The following RFX6 variants were observed in gnomAD, a reference collection of about 807,000 sequenced individuals.
RFX6 encodes the protein regulatory factor X6.
In RFX6, 50 loss-of-function variants were observed where a neutral mutation model predicts 110.8. The observed-to-expected ratio is 0.45, with a 90% CI of 0.36 to 0.57. RFX6 has a LOEUF of 0.57. Among genes scored for constraint, RFX6 ranks in the 20% least tolerant of loss-of-function variants. RFX6 has a pLI of 0.00. For synonymous variants in RFX6, 383 were observed against 411.2 expected (o/e 0.93, Z 0.83); for missense variants, 990 against 1,127.0 (o/e 0.88, Z 1.74).
intron 4 of RFX6, among the ~76,000 whole-genome samples, chr6:116,888,446 A>G (rs1774747906): frequency 6.6e-6 from 1 of 152,204 alleles, no homozygotes; most frequent in Non-Finnish European, 1.5e-5. Flanking sequence ...AAGATTGAGG[A>G]AAGTTGCTAA....
chr6:116,914,098 C>T (rs986868739), intron 7 of RFX6, among the ~76,000 whole-genome samples: 4 of 152,144 alleles, frequency 2.6e-5, no homozygotes, highest in Admixed American at 6.5e-5. Context: ...CTCCTCTTTC[C>T]GACCTCTGGT....
chr6:116,891,149 G>A (rs1382983476), intron 4 of RFX6, among the ~76,000 whole-genome samples: 3 of 152,166 alleles, frequency 2.0e-5, no homozygotes, highest in Non-Finnish European at 2.9e-5. Context: ...AGACTATGGA[G>A]GAATTTGGAA....
At chr6:116,911,172 T>G (rs1342288833) in intron 7 of RFX6, 130 bp downstream of exon 7, 1 of 678,012 alleles carries the variant, frequency 1.5e-6, no homozygotes, top group Non-Finnish European at 2.6e-6. Context: ...GACTGATTTA[T>G]AGGAGAGGCA....
rs75888137 is a variant in RFX6 at position 116,914,757 on chromosome 6, C to A, written c.781-1251C>A. Among the ~76,000 whole-genome samples, 493 of 152,292 alleles carry A rather than the reference C, an allele frequency of 3.2e-3. 6 individuals are homozygous for A. In the East Asian group the frequency reaches 0.043, roughly 13 times the overall value. Reference sequence around the variant, plus strand: ...TAGGATAGGACACCTCCATCACCACCACCACTCTAGATGCTATTGGAATCA... The same window carrying A: ...TAGGATAGGACACCTCCATCACCACAACCACTCTAGATGCTATTGGAATCA... On this transcript the variant is annotated intron_variant, in intron 7 of 18. Transcript: ENST00000332958.
chr6:116,918,783 A>G (rs1378794491), intron 10 of RFX6, among the ~76,000 whole-genome samples: 2 of 152,096 alleles, frequency 1.3e-5, no homozygotes, highest in Non-Finnish European at 2.9e-5. Context: ...TTTCATCTAT[A>G]TGATAGTTGG....
intron 11 of RFX6, 138 bp downstream of exon 11, chr6:116,919,434 T>A: frequency 1.3e-6 from 1 of 768,548 alleles, no homozygotes; most frequent in Non-Finnish European, 2.3e-6. Flanking sequence ...GACCCAGAAG[T>A]GAATGCTATG....
intron 6 of RFX6, among the ~76,000 whole-genome samples, chr6:116,898,361 A>C (rs339347): frequency 0.44 from 66,756 of 151,682 alleles, 15,582 homozygotes; most frequent in African/African-American, 0.6. Flanking sequence ...ACAGGGTCTC[A>C]CTCTGTCACC....
intron 6 of RFX6, among the ~76,000 whole-genome samples, chr6:116,909,266 A>G (rs562130786): frequency 4.0e-4 from 61 of 152,242 alleles, no homozygotes; most frequent in African/African-American, 1.4e-3. Flanking sequence ...ATTGAGATGA[A>G]TAAACATGAC....
At chr6:116,916,697 T>C (rs577264323) in intron 9 of RFX6, among the ~76,000 whole-genome samples, 1 of 152,226 alleles carries the variant, frequency 6.6e-6, no homozygotes, top group Non-Finnish European at 1.5e-5. Flanking sequence ...CTTATGAGAT[T>C]AATAACTTGA....
intron 4 of RFX6, among the ~76,000 whole-genome samples, chr6:116,892,095 T>C (rs1303140895): frequency 6.6e-6 from 1 of 152,214 alleles, no homozygotes; most frequent in Non-Finnish European, 1.5e-5. Context: ...CACCATATAT[T>C]ATTGTTTCCC....
chr6:116,878,002 G>A (rs1238111542), intron 2 of RFX6, 50 bp downstream of exon 2: 1 of 1,557,030 alleles, frequency 6.4e-7, no homozygotes. Context: ...CGTTTTAACA[G>A]CCAGCGTCTT....
intron 6 of RFX6, 52 bp downstream of exon 6, chr6:116,895,259 G>A: frequency 2.0e-6 from 2 of 978,122 alleles, no homozygotes; most frequent in African/African-American, 1.6e-5. Context: ...TGTCTTACAA[G>A]CTGAGCAATA....
intron 6 of RFX6, among the ~76,000 whole-genome samples, chr6:116,907,109 G>A (rs1276063857): frequency 6.8e-6 from 1 of 146,426 alleles, no homozygotes; most frequent in Non-Finnish European, 1.5e-5. Context: ...TACTTTTTCT[G>A]TACCTAATGA....
At chr6:116,917,592 G>GC (rs1554197186) in intron 9 of RFX6, among the ~76,000 whole-genome samples, 2 of 151,684 alleles carry the variant, frequency 1.3e-5, no homozygotes, top group Non-Finnish European at 2.9e-5. Context: ...TAAGTGATCT[G>GC]TTTTTTTTAG....
intron 9 of RFX6, among the ~76,000 whole-genome samples, chr6:116,917,592 GT>G (rs540493256): frequency 6.6e-6 from 1 of 151,682 alleles, no homozygotes; most frequent in Non-Finnish European, 1.5e-5. Flanking sequence ...TAAGTGATCT[GT>G]TTTTTTTAGT....
In RFX6 at chr6:116,923,430, C is replaced by A. The variant is rs529399727; in HGVS notation, c.1555+206C>A. The stretch of plus-strand genomic sequence containing the variant: ...AAATCCTAACAATGATTGTCTCTGG[C>A]TATGGGCCAATCTGCTCATTGAAGA... On this transcript the variant is annotated intron_variant, in intron 14 of 18. Coordinates refer to ENST00000332958, the MANE Select transcript of RFX6 (RefSeq NM_173560.4). The A allele has an allele frequency of 1.9e-5, 11 of 567,514 alleles. No homozygotes were observed. In the South Asian group the frequency reaches 2.0e-4, roughly 10 times the overall value. 35.2% of individuals were successfully genotyped at this position (567,514 alleles called of 1,614,324 possible). A position where few individuals can be genotyped will look rare whatever the true frequency, so the allele number is the denominator to read the frequency against.
chr6:116,931,684 G>A lies in RFX6; in HGVS notation c.*178G>A, dbSNP rs1005243564. ...GTGAATGGAGATACTTGCAGAGCTT[G>A]TCATGCACACTAAGAGTTTAAAATG... On this transcript the variant is annotated 3_prime_UTR_variant, in exon 19 of 19. Coordinates refer to ENST00000332958, the MANE Select transcript of RFX6 (RefSeq NM_173560.4). 8 of 585,530 alleles carry A rather than the reference G, an allele frequency of 1.4e-5. No individual in the cohort carries two copies. The African/African-American group carries it at 1.5e-4, about 11-fold the overall frequency. The allele number at this position is 585,530 out of a possible 1,614,324, so 36.3% of individuals were successfully genotyped here. A position where few individuals can be genotyped will look rare whatever the true frequency, so the allele number is the denominator to read the frequency against.
intron 12 of RFX6, 24 bp from the exon 13 acceptor site, chr6:116,922,018 C>CTTT (rs77230084): frequency 3.3e-4 from 294 of 883,226 alleles, no homozygotes; most frequent in South Asian, 1.5e-3. Context: ...TCTTTTCTTT[C>CTTT]TTTTTTTTTT....
At chr6:116,883,084 A>T (rs994700141) in intron 4 of RFX6, among the ~76,000 whole-genome samples, 1 of 152,020 alleles carries the variant, frequency 6.6e-6, no homozygotes, top group African/African-American at 2.4e-5. Context: ...GCATGTCCAG[A>T]TCTCCTTTAT....
Sources: gnomAD v4.1 joint callset for allele counts (sites outside exome capture counted in the v4.1 genomes callset) on GRCh38, gnomAD v4.1.1 for gene constraint, MANE v1.5 for transcripts, NCBI Gene and HGNC (gene_info 2026-07-23, HGNC 2026-07-21) for gene names.